The following TTN variants were observed in gnomAD, a reference collection of about 807,000 sequenced individuals.
TTN encodes the protein connectin.
Under a neutral mutation model 3,223.0 loss-of-function variants are expected in TTN, and 1,525 were observed. The ratio of observed to expected loss-of-function variants is 0.47; its 90% CI spans 0.45 to 0.49. TTN has a LOEUF of 0.49. TTN is among the 20% of genes least tolerant of loss of function. The pLI, the probability that TTN is intolerant of heterozygous loss-of-function variation, is 0.00. For synonymous variants in TTN, 14,094 were observed against 15,161.0 expected (o/e 0.93, Z 5.17); for missense variants, 40,786 against 43,424.0 (o/e 0.94, Z 5.40).
At position 178,539,074 on chromosome 2, in the gene TTN, G is replaced by A. The variant is rs372126622; in HGVS notation, c.98861C>T (p.Thr32954Ile). 65 of 1,613,652 alleles carry A rather than the reference G, an allele frequency of 4.0e-5. No homozygotes were observed. Among genetic ancestry groups the A allele is most frequent in the Admixed American group, 6.7e-5 (4 of 59,976 alleles). Reference protein sequence around the residue: ...WVRHNKTQITTTMYTVTGLVP... With the variant: ...WVRHNKTQITITMYTVTGLVP... ...AAGCCCTGTGACAGTGTACATTGTG[G>A]TGGTGATCTGAGTCTTGTTGTGTCT... The change falls in exon 353 of 363, where the codon ACC becomes ATC. Residue 32954 changes from threonine to isoleucine, a missense_variant. Physicochemically the swap from Thr to Ile is moderately conservative, Grantham distance 89. Coordinates refer to ENST00000589042, the MANE Select transcript of TTN (RefSeq NM_001267550.2).
chr2:178,533,299 G>C lies in TTN; in HGVS notation c.103316C>G (p.Thr34439Ser). Residue 34439 changes from threonine to serine, a missense_variant, in exon 358 of 363, where the codon ACT (threonine) becomes AGT (serine). Coordinates refer to ENST00000589042, the MANE Select transcript of TTN (RefSeq NM_001267550.2). ...GCAGCTGGTGGACCCAGCTGTGTTA[G>C]TGGCTGTGACTCTATAATAACCCGT... is the stretch of plus-strand genomic sequence containing the variant. Reference protein sequence around the residue: ...EDTGYYRVTATNTAGSTSCQA... With the variant: ...EDTGYYRVTASNTAGSTSCQA... 1 of 1,613,956 alleles carries C rather than the reference G, an allele frequency of 6.2e-7. No individual in the cohort carries two copies. The highest frequency in any genetic ancestry group is 1.1e-5 in the South Asian group (1 of 91,090).
chr2:178,612,153 C>G lies in TTN; in HGVS notation c.50258G>C (p.Gly16753Ala). The change falls in exon 267 of 363, where the codon GGA becomes GCA. Residue 16753 changes from glycine to alanine, a missense_variant. Coordinates refer to ENST00000589042, the MANE Select transcript of TTN (RefSeq NM_001267550.2). Reference protein sequence around the residue: ...VLAKDTFTTPGPPYALAVVDV... With the variant: ...VLAKDTFTTPAPPYALAVVDV... ...AACCACTGCCAGGGCGTAGGGTGGT[C>G]CAGGAGTGGCTGAAAATAAAATAAA... is the stretch of plus-strand genomic sequence containing the variant. The G allele has an allele frequency of 6.2e-7, 1 of 1,608,928 alleles. No homozygotes were observed. The highest frequency in any genetic ancestry group is 8.5e-7 in the Non-Finnish European group (1 of 1,178,134).
Position 178,771,290 on chromosome 2 carries a change from A to G in TTN, c.8037T>C (p.Ala2679=), listed in dbSNP as rs2154343302. 1.9e-6 allele frequency: 3 copies of G among 1,614,136 alleles called. No individual in the cohort carries two copies. In the African/African-American group the frequency reaches 4.0e-5, roughly 22 times the overall value. Residue 2679 remains alanine, a synonymous_variant, in exon 34 of 363, where the codon GCT becomes GCC. Transcript: ENST00000589042. ...SDGHKRRLII[A]ATKLDDIGEY... ...CTCCAATGTCATCTAATTTGGTGGCAGCAATGATAAGTCTCCTTTTGTGGC... is the reference window on the plus strand; with the variant it reads ...CTCCAATGTCATCTAATTTGGTGGCGGCAATGATAAGTCTCCTTTTGTGGC...
intron 265 of TTN, 23 bp from the exon 266 acceptor site, chr2:178,612,599 A>C: frequency 6.4e-7 from 1 of 1,570,036 alleles, no homozygotes; most frequent in Non-Finnish European, 8.5e-7. Flanking sequence ...GAAGGAAAAC[A>C]AATTCATTTT....
At position 178,728,639 on chromosome 2, in the gene TTN, T is replaced by C. The variant is rs1464135185; in HGVS notation, c.19287A>G (p.Arg6429=). ...TATTTTCAAAACTCATTGAAAAGTA[T>C]CTACTGGGAACTATTTGTTTCCCGT... ...LKDGKQIVPS[R]YFSMSFENNV... Residue 6429 remains arginine (R), a synonymous_variant, in exon 66 of 363, where the codon AGA becomes AGG. Coordinates refer to ENST00000589042, the MANE Select transcript of TTN (RefSeq NM_001267550.2). 2 of 1,613,374 alleles carry C rather than the reference T, an allele frequency of 1.2e-6. No homozygotes were observed. Among genetic ancestry groups the C allele is most frequent in the East Asian group, 4.5e-5 (2 of 44,778 alleles).
At chr2:178,727,956 A>G in intron 67 of TTN, 93 bp from the exon 68 acceptor site, 4 of 1,432,562 alleles carry the variant, frequency 2.8e-6, no homozygotes, top group Non-Finnish European at 3.7e-6. Context: ...ACTCTTGGAA[A>G]GAGGCAATGG....
At position 178,593,754 on chromosome 2, in the gene TTN, T is replaced by C. The variant is rs776824040; in HGVS notation, c.58546A>G (p.Ile19516Val). 1 of 1,613,302 alleles carries C rather than the reference T, an allele frequency of 6.2e-7. No homozygotes were observed. Among genetic ancestry groups the C allele is most frequent in the Non-Finnish European group, 8.5e-7 (1 of 1,179,618 alleles). Residue 19516 changes from isoleucine to valine, a missense_variant, in exon 298 of 363, where the codon ATT becomes GTT. By Grantham distance (29) the Ile-to-Val change is conservative. Coordinates refer to ENST00000589042, the MANE Select transcript of TTN (RefSeq NM_001267550.2). ...DDGGSKITNY[I>V]IEKKEVGKDV... The stretch of plus-strand genomic sequence containing the variant: ...TTACCCACTTCCTTCTTCTCAATAA[T>C]ATAATTGGTGATTTTACTGCCTCCA...
Position 178,561,983 on chromosome 2 carries a change from A to G in TTN, c.84149T>C (p.Ile28050Thr). The change falls in exon 326 of 363, where the codon ATA becomes ACA. Residue 28050 changes from isoleucine to threonine, a missense_variant. Coordinates refer to ENST00000589042, the MANE Select transcript of TTN (RefSeq NM_001267550.2). ...AGGTCCTGGTCTGTCAAGGACAATT[A>G]TAGTAATAGGAACTGTTATGGATCC... is the stretch of plus-strand genomic sequence containing the variant. ...SAGSITVPIT[I>T]IVLDRPGPPG... 1 of 1,613,412 alleles carries G rather than the reference A, an allele frequency of 6.2e-7. No homozygotes were observed. Among genetic ancestry groups the G allele is most frequent in the South Asian group, 1.1e-5 (1 of 91,058 alleles).
chr2:178,685,483 A>T, intron 128 of TTN, 35 bp downstream of exon 128: 1 of 1,585,044 alleles, frequency 6.3e-7, no homozygotes, highest in Non-Finnish European at 8.6e-7. Flanking sequence ...AGACAAGCTA[A>T]CATAGGGATA....
At position 178,579,402 on chromosome 2, in the gene TTN, TAGC is replaced by T; in HGVS notation, c.67637-12_67637-10del. The T allele has an allele frequency of 1.9e-6, 3 of 1,556,698 alleles. No homozygotes were observed. The highest frequency in any genetic ancestry group is 2.6e-6 in the Non-Finnish European group (3 of 1,160,984). Reference sequence around the variant, plus strand: ...GTCAAGATCAGGAGCCACTGTAAAATAGCAGAGATAAATTACTGTTATTTTTAA... The same window carrying T: ...GTCAAGATCAGGAGCCACTGTAAAATAGAGATAAATTACTGTTATTTTTAA... On this transcript the variant is annotated splice_polypyrimidine_tract_variant and intron_variant, in intron 319 of 362. Coordinates refer to ENST00000589042, the MANE Select transcript of TTN (RefSeq NM_001267550.2).
In TTN at chr2:178,658,529, A is replaced by G. The variant is rs2154254578; in HGVS notation, c.37566T>C (p.Val12522=). Residue 12522 remains valine (V), a synonymous_variant, in exon 184 of 363, where the codon GTT becomes GTC. Transcript: ENST00000589042. ...CCACAGATGCTTTCTTTTCAAGTAC[A>G]ACTTCTTTAGGAGCTTCAGGAACTT... ...PPKVPEAPKE[V]VLEKKASVAV... is the part of the protein sequence containing the mutation. 8.3e-7 allele frequency: 1 copy of G among 1,203,844 alleles called. No homozygotes were observed. Among genetic ancestry groups the G allele is most frequent in the Non-Finnish European group, 1.1e-6 (1 of 885,452 alleles). The allele number at this position is 1,203,844 out of a possible 1,614,324, so 74.6% of individuals were successfully genotyped here. A position where few individuals can be genotyped will look rare whatever the true frequency, so the allele number is the denominator to read the frequency against.
chr2:178,630,258 G>A lies in TTN; in HGVS notation c.44264C>T (p.Ala14755Val). 9 of 1,613,038 alleles carry A rather than the reference G, an allele frequency of 5.6e-6. No individual in the cohort carries two copies. Among genetic ancestry groups the A allele is most frequent in the Non-Finnish European group, 7.6e-6 (9 of 1,179,414 alleles). Residue 14755 changes from alanine (A) to valine (V), a missense_variant, in exon 239 of 363, where the codon GCC becomes GTC. Transcript: ENST00000589042. ...DFQAANVKSS[A>V]HLRVKPRVIG... is the part of the protein sequence containing the mutation. ...ATACTTACGCTTAACTCGGAGGTGG[G>A]CACTAGATTTAACATTGGCAGCTTG... is the stretch of plus-strand genomic sequence containing the variant.
Position 178,548,255 on chromosome 2 carries a change from T to G in TTN, c.93371A>C (p.Asp31124Ala), listed in dbSNP as rs775147653. The G allele has an allele frequency of 1.2e-6, 2 of 1,613,724 alleles. No homozygotes were observed. Among genetic ancestry groups the G allele is most frequent in the Non-Finnish European group, 1.7e-6 (2 of 1,179,806 alleles). Residue 31124 changes from aspartate to alanine, a missense_variant, in exon 339 of 363, where the codon GAT becomes GCT. Coordinates refer to ENST00000589042, the MANE Select transcript of TTN (RefSeq NM_001267550.2). The surrounding 1 kb of genome is among the most constrained non-coding windows in gnomAD (Gnocchi z 4.3). ...TAAGACTGCGGAGGATTTGCTAGTA[T>G]CAACAACATCAAGTCTCCTAGGTGG... Reference protein sequence around the residue: ...PAPPRRLDVVDTSKSSAVLAW... With the variant: ...PAPPRRLDVVATSKSSAVLAW...
intron 1 of TTN, among the ~76,000 whole-genome samples, chr2:178,805,343 CAAAAAAA>C (rs34870064): frequency 3.3e-5 from 3 of 89,844 alleles, no homozygotes; most frequent in Non-Finnish European, 4.4e-5. Flanking sequence ...GACTCTGTCT[CAAAAAAA>C]AAAAAAAAAA....
rs1388803876 is a variant in TTN, at chr2:178,634,541, C to T, written c.42240G>A (p.Glu14080=). 1 of 1,613,310 alleles carries T rather than the reference C, an allele frequency of 6.2e-7. No individual in the cohort carries two copies. Among genetic ancestry groups the T allele is most frequent in the South Asian group, 1.1e-5 (1 of 91,056 alleles). ...GTCCTTTGGACCATATAACATTTGC[C>T]TCTCGGGTGAGGACACATTCGAATC... The part of the protein sequence containing the change: ...QARFECVLTR[E]ANVIWSKGPD... The change falls in exon 230 of 363, where the codon GAG becomes GAA. Residue 14080 remains glutamate (E), a synonymous_variant. Coordinates refer to ENST00000589042, the MANE Select transcript of TTN (RefSeq NM_001267550.2). The surrounding 1 kb of genome is among the most constrained non-coding windows in gnomAD (Gnocchi z 4.6).
Position 178,782,227 on chromosome 2 carries a change from A to G in TTN, c.3365T>C (p.Leu1122Pro), listed in dbSNP as rs1189198137. Residue 1122 changes from leucine to proline, a missense_variant, in exon 20 of 363, where the codon CTA becomes CCA. Physicochemically the swap from Leu to Pro is moderately conservative, Grantham distance 98 (BLOSUM62 -3). Coordinates refer to ENST00000589042, the MANE Select transcript of TTN (RefSeq NM_001267550.2). ...ATCAAAATACCTGTATCCAGTGGTT[A>G]GAGGAACACCAGATTTTTTCCAGTA... Reference protein sequence around the residue: ...HVYWKKSGVPLTTGYRYKVSY... With the variant: ...HVYWKKSGVPPTTGYRYKVSY... 6.2e-7 allele frequency: 1 copy of G among 1,614,154 alleles called. No homozygotes were observed. The highest frequency in any genetic ancestry group is 2.2e-5 in the East Asian group (1 of 44,872).
chr2:178,746,225 G>A, intron 47 of TTN: 1 of 1,612,716 alleles, frequency 6.2e-7, no homozygotes. Flanking sequence ...TGAATTTTCT[G>A]GAATTTTAAA....
rs767208489 is a variant in TTN at position 178,576,020 on chromosome 2, C to T, written c.70112G>A (p.Arg23371His). Residue 23371 changes from arginine to histidine, a missense_variant, in exon 326 of 363, where the codon CGT becomes CAT. Transcript: ENST00000589042. This position sits in a 1 kb window ranked among gnomAD's most constrained non-coding sequence, Gnocchi z 4.3. Reference protein sequence around the residue: ...SIRIFVPIKGRPAPEVTWTKD... With the variant: ...SIRIFVPIKGHPAPEVTWTKD... Reference sequence around the variant, plus strand: ...GGTCCATGTCACTTCAGGAGCAGGACGACCTTTAATTGGCACAAATATCCT... The same window carrying T: ...GGTCCATGTCACTTCAGGAGCAGGATGACCTTTAATTGGCACAAATATCCT... 9.9e-6 allele frequency: 16 copies of T among 1,612,808 alleles called. No homozygotes were observed. Among genetic ancestry groups the T allele is most frequent in the Admixed American group, 6.7e-5 (4 of 59,974 alleles).
chr2:178,738,125 A>C lies in TTN; in HGVS notation c.14328T>G (p.Asn4776Lys), dbSNP rs952268172. Residue 4776 changes from asparagine (N) to lysine (K), a missense_variant, in exon 49 of 363, where the codon AAT becomes AAG. Physicochemically the swap from Asn to Lys is moderately conservative, Grantham distance 94. Transcript: ENST00000589042. ...CTGTACAGCTGACACTGCCATACTC[A>C]TTGGAAGCTTTGCATGTATACTCGC... ...DCGEYTCKAS[N>K]EYGSVSCTAT... is the part of the protein sequence containing the mutation. 1 of 1,613,658 alleles carries C rather than the reference A, an allele frequency of 6.2e-7. No homozygotes were observed. The highest frequency in any genetic ancestry group is 8.5e-7 in the Non-Finnish European group (1 of 1,179,762).
Sources: allele counts gnomAD v4.1 joint callset (sites outside exome capture counted in the v4.1 genomes callset), GRCh38; gene constraint gnomAD v4.1.1; non-coding constraint Gnocchi (gnomAD v3.1); transcripts MANE v1.5; gene names NCBI Gene and HGNC (gene_info 2026-07-23, HGNC 2026-07-21).